GABRG3: variants seen among roughly 807,000 people sequenced by gnomAD.
The protein encoded by GABRG3 is gamma-aminobutyric acid receptor subunit gamma-3.
GABRG3 carries 25 observed loss-of-function variants against 48.8 expected under a neutral mutation model. That is an observed-to-expected ratio of 0.51 (90% CI 0.37 to 0.72). The LOEUF is 0.72. Ranked by LOEUF, GABRG3 falls within the 30% of genes least tolerant of loss-of-function variation. The pLI is 0.00. For missense variants in GABRG3, 394 were observed against 577.9 expected (o/e 0.68, Z 3.26); for synonymous variants, 227 against 217.6 (o/e 1.04, Z -0.38).
Position 26,971,410 on chromosome 15 carries a change from C to T in GABRG3, c.-126C>T, listed in dbSNP as rs1894838889. ...CCAGCGCCAGAGTAGATACCTGTCCCGCCCGCCGCGGCCAGCAGCCTCGGA... is the reference window on the plus strand; with the variant it reads ...CCAGCGCCAGAGTAGATACCTGTCCTGCCCGCCGCGGCCAGCAGCCTCGGA... On this transcript the variant is annotated 5_prime_UTR_variant, in exon 1 of 10. Coordinates refer to ENST00000615808, the MANE Select transcript of GABRG3 (RefSeq NM_033223.5). 6 of 728,440 alleles carry T rather than the reference C, an allele frequency of 8.2e-6. No homozygotes were observed. The South Asian group carries it at 1.8e-4, about 22-fold the overall frequency. The allele number at this position is 728,440 out of a possible 1,614,324, so 45.1% of individuals were successfully genotyped here.
chr15:27,349,179 A>G (rs1894473251), intron 5 of GABRG3, among the ~76,000 whole-genome samples: 1 of 151,972 alleles, frequency 6.6e-6, no homozygotes, highest in African/African-American at 2.4e-5. Flanking sequence ...CTAATGACCA[A>G]ATTTATACAT....
intron 7 of GABRG3, among the ~76,000 whole-genome samples, chr15:27,526,378 C>T (rs1433863077): frequency 6.6e-6 from 1 of 152,154 alleles, no homozygotes; most frequent in East Asian, 1.9e-4. Flanking sequence ...ACTAGTACTG[C>T]GATGCAGATA....
chr15:27,425,147 C>T (rs924191429), intron 5 of GABRG3, among the ~76,000 whole-genome samples: 5 of 152,136 alleles, frequency 3.3e-5, no homozygotes, highest in African/African-American at 7.2e-5. Flanking sequence ...CCCTGGGAGA[C>T]GACAGCTGGA....
chr15:27,012,697 T>G (rs2140668165), intron 2 of GABRG3, among the ~76,000 whole-genome samples: 1 of 152,300 alleles, frequency 6.6e-6, no homozygotes, highest in African/African-American at 2.4e-5. Context: ...CTGGTTTTAT[T>G]CCTTTCATAG....
Position 27,316,353 on chromosome 15 carries a change from A to C in GABRG3, c.271-10456A>C, listed in dbSNP as rs1163247808. Among the ~76,000 whole-genome samples the C allele has an allele frequency of 2.8e-5, 4 of 140,802 alleles. No individual in the cohort carries two copies. The South Asian group carries it at 6.6e-4, about 23-fold the overall frequency. 92.4% of individuals were successfully genotyped at this position (140,802 alleles called of 152,430 possible). A position where few individuals can be genotyped will look rare whatever the true frequency, so the allele number is the denominator to read the frequency against. The stretch of plus-strand genomic sequence containing the variant: ...CAGTGAGCCGAGATCCCGCCACTGC[A>C]CTCCAGCCTGGGCGACAGAGCGAGA... On this transcript the variant is annotated intron_variant, in intron 3 of 9. Transcript: ENST00000615808.
At chr15:27,087,635 TTGTA>T (rs1395473005) in intron 3 of GABRG3, among the ~76,000 whole-genome samples, 12 of 151,960 alleles carry the variant, frequency 7.9e-5, no homozygotes, top group African/African-American at 2.9e-4. Context: ...ATGTGTGAGA[TTGTA>T]TGTGCTGTGC....
intron 5 of GABRG3, among the ~76,000 whole-genome samples, chr15:27,381,084 G>A (rs1266186710): frequency 6.6e-6 from 1 of 152,120 alleles, no homozygotes. Flanking sequence ...TTACTGGTAG[G>A]TGTCAGTCTT....
At chr15:27,009,656 G>A (rs1895649178) in intron 2 of GABRG3, among the ~76,000 whole-genome samples, 1 of 152,114 alleles carries the variant, frequency 6.6e-6, no homozygotes, top group Non-Finnish European at 1.5e-5. Context: ...CATCCTCAAG[G>A]CAATGAAAGC....
chr15:27,413,983 A>C (rs1022564426), intron 5 of GABRG3, among the ~76,000 whole-genome samples: 2 of 152,218 alleles, frequency 1.3e-5, no homozygotes, highest in Non-Finnish European at 2.9e-5. Context: ...TATGGATAAA[A>C]TGTGCAAGGT....
At chr15:27,499,185 TGATACA>T (rs1463617736) in intron 6 of GABRG3, among the ~76,000 whole-genome samples, 1 of 152,220 alleles carries the variant, frequency 6.6e-6, no homozygotes, top group Non-Finnish European at 1.5e-5. Flanking sequence ...GGATTTAATT[TGATACA>T]AAGATATAAG....
chr15:27,485,188 G>A (rs1890192452), intron 6 of GABRG3, among the ~76,000 whole-genome samples: 1 of 152,180 alleles, frequency 6.6e-6, no homozygotes, highest in East Asian at 1.9e-4. Context: ...ATGATGCGAT[G>A]AAAATCCACC....
At chr15:27,212,825 C>G (rs1311522108) in intron 3 of GABRG3, among the ~76,000 whole-genome samples, 1 of 152,196 alleles carries the variant, frequency 6.6e-6, no homozygotes, top group African/African-American at 2.4e-5. Context: ...CCAGTGGAGT[C>G]TTATGGTATT....
chr15:27,325,966 T>C (rs955522898), intron 3 of GABRG3, among the ~76,000 whole-genome samples: 6 of 152,210 alleles, frequency 3.9e-5, no homozygotes, highest in African/African-American at 1.4e-4. Flanking sequence ...AGCCTCTACA[T>C]CCTTCTTACC....
chr15:27,530,005 G>T (rs1449398210), intron 9 of GABRG3, among the ~76,000 whole-genome samples: 4 of 151,952 alleles, frequency 2.6e-5, no homozygotes, highest in African/African-American at 9.7e-5. Flanking sequence ...CAACCAGAGA[G>T]ACCTGTAGCA....
chr15:27,356,396 A>T (rs549296583), intron 5 of GABRG3, among the ~76,000 whole-genome samples: 1 of 152,166 alleles, frequency 6.6e-6, no homozygotes, highest in African/African-American at 2.4e-5. Context: ...TTCGTTATTC[A>T]TTCCTTTGGC....
At chr15:27,314,474 T>A (rs931718383) in intron 3 of GABRG3, among the ~76,000 whole-genome samples, 5 of 152,150 alleles carry the variant, frequency 3.3e-5, no homozygotes, top group Non-Finnish European at 7.4e-5. Flanking sequence ...GAATGCAGAA[T>A]AATACAGCCA....
At chr15:27,071,229 G>T (rs1896821492) in intron 3 of GABRG3, among the ~76,000 whole-genome samples, 1 of 152,300 alleles carries the variant, frequency 6.6e-6, no homozygotes, top group East Asian at 1.9e-4. Flanking sequence ...GCTGCTAGGA[G>T]CCAGTGGTGT....
At chr15:27,058,666 C>A (rs1241538881) in intron 3 of GABRG3, among the ~76,000 whole-genome samples, 1 of 151,586 alleles carries the variant, frequency 6.6e-6, no homozygotes. Context: ...TATTGGAAAC[C>A]AGGAGCCACC....
intron 2 of GABRG3, among the ~76,000 whole-genome samples, chr15:27,003,850 G>T (rs1895512755): frequency 1.4e-5 from 2 of 148,064 alleles, no homozygotes; most frequent in African/African-American, 5.0e-5. Context: ...CCGGGCGGGG[G>T]GGGCTGACCC....
Sources: gnomAD v4.1 joint callset for allele counts (sites outside exome capture counted in the v4.1 genomes callset) on GRCh38, gnomAD v4.1.1 for gene constraint, MANE v1.5 for transcripts, NCBI Gene and HGNC (gene_info 2026-07-23, HGNC 2026-07-21) for gene names.